Variants in SMYD3 observed in about 807,000 individuals in gnomAD.
The protein encoded by SMYD3 is SET and MYND domain containing 3.
A neutral mutation model predicts 57.7 loss-of-function variants in SMYD3; 36 were observed. The ratio of observed to expected loss-of-function variants is 0.62; its 90% CI spans 0.48 to 0.82. The LOEUF is 0.82. Ranked by LOEUF, SMYD3 falls within the 40% of genes least tolerant of loss-of-function variation. The pLI is 0.00. For synonymous variants in SMYD3, 211 were observed against 195.0 expected, an observed-to-expected ratio of 1.08 and a Z score of -0.68; for missense variants, 515 against 538.8, an observed-to-expected ratio of 0.96 and a Z score of 0.44.
At chr1:245,816,902 A>T (rs1304085251) in intron 10 of SMYD3, among the ~76,000 whole-genome samples, 2 of 128,450 alleles carry the variant, frequency 1.6e-5, no homozygotes, top group South Asian at 2.2e-4. Flanking sequence ...GTCCTACCCG[A>T]CGGAGTCTCG....
chr1:245,988,769 G>A (rs1369627521), intron 5 of SMYD3, among the ~76,000 whole-genome samples: 1 of 152,202 alleles, frequency 6.6e-6, no homozygotes, highest in South Asian at 2.1e-4. Flanking sequence ...GGTTTGGGAG[G>A]AGGCTGAGCA....
At chr1:246,190,031 T>C (rs1423875397) in intron 5 of SMYD3, among the ~76,000 whole-genome samples, 2 of 152,200 alleles carry the variant, frequency 1.3e-5, no homozygotes, top group African/African-American at 2.4e-5. Flanking sequence ...ATCCAGATTA[T>C]TAAATTCACC....
At position 246,224,598 on chromosome 1, in the gene SMYD3, G is replaced by A. The variant is rs368994475; in HGVS notation, c.531+102603C>T. 9.2e-5 allele frequency among the ~76,000 whole-genome samples: 14 copies of A among 151,866 alleles called. No homozygotes were observed. The East Asian group carries it at 9.7e-4, about 10-fold the overall frequency. On this transcript the variant is annotated intron_variant, in intron 5 of 11. Coordinates refer to ENST00000490107, the MANE Select transcript of SMYD3 (RefSeq NM_001167740.2). The stretch of plus-strand genomic sequence containing the variant: ...CATATTTTAAAAGGTCATTGTGGGC[G>A]CCACTGAGAAAGAATATAGAGGAGC...
intron 10 of SMYD3, among the ~76,000 whole-genome samples, chr1:245,833,999 G>A (rs978218273): frequency 6.6e-6 from 1 of 152,210 alleles, no homozygotes; most frequent in Admixed American, 6.5e-5. Flanking sequence ...GTACTGTAAA[G>A]GTTCTGGGAC....
chr1:246,282,612 T>G (rs2064477651), intron 5 of SMYD3, among the ~76,000 whole-genome samples: 1 of 152,004 alleles, frequency 6.6e-6, no homozygotes, highest in Admixed American at 6.5e-5. Context: ...TTTCCACATC[T>G]CTTTTCTTGG....
intron 10 of SMYD3, among the ~76,000 whole-genome samples, chr1:245,822,759 C>T (rs1455717248): frequency 6.6e-6 from 1 of 152,152 alleles, no homozygotes; most frequent in Non-Finnish European, 1.5e-5. Flanking sequence ...TTTCACTGGG[C>T]CCACTTTGTA....
At chr1:245,867,698 A>ACC (rs1486138815) in intron 8 of SMYD3, among the ~76,000 whole-genome samples, 2 of 151,992 alleles carry the variant, frequency 1.3e-5, no homozygotes, top group African/African-American at 4.8e-5. Flanking sequence ...ACTCACACAC[A>ACC]CATTTTGTTG....
intron 5 of SMYD3, among the ~76,000 whole-genome samples, chr1:246,122,996 A>G (rs781643994): frequency 7.2e-5 from 11 of 152,220 alleles, no homozygotes; most frequent in Non-Finnish European, 1.3e-4. Flanking sequence ...TTTCCGTGAA[A>G]CACTCTCTAT....
At chr1:246,199,843 G>C (rs1048583480) in intron 5 of SMYD3, among the ~76,000 whole-genome samples, 1 of 152,262 alleles carries the variant, frequency 6.6e-6, no homozygotes, top group Non-Finnish European at 1.5e-5. Context: ...GGAGAACAGC[G>C]TAGATGCTGA....
chr1:246,014,130 C>T (rs561725901), intron 5 of SMYD3, among the ~76,000 whole-genome samples: 5 of 152,298 alleles, frequency 3.3e-5, no homozygotes, highest in African/African-American at 1.2e-4. Context: ...CGAGACCAGC[C>T]TGGCCAACAT....
At chr1:245,796,297 G>A (rs1044716417) in intron 10 of SMYD3, among the ~76,000 whole-genome samples, 19 of 152,080 alleles carry the variant, frequency 1.2e-4, no homozygotes, top group African/African-American at 4.1e-4. Flanking sequence ...TTATTGGGAC[G>A]AATTGGGATG....
intron 5 of SMYD3, among the ~76,000 whole-genome samples, chr1:246,190,390 G>T (rs895321304): frequency 6.6e-6 from 1 of 152,070 alleles, no homozygotes; most frequent in Non-Finnish European, 1.5e-5. Context: ...TTCGAGACCA[G>T]TCTGGCCAAT....
At chr1:245,913,156 T>A (rs559878007) in intron 8 of SMYD3, among the ~76,000 whole-genome samples, 7 of 152,190 alleles carry the variant, frequency 4.6e-5, no homozygotes, top group Non-Finnish European at 7.4e-5. Context: ...ATGTGGCACA[T>A]ATACACCATG....
At chr1:245,998,899 A>G (rs952124087) in intron 5 of SMYD3, among the ~76,000 whole-genome samples, 1 of 152,224 alleles carries the variant, frequency 6.6e-6, no homozygotes, top group Non-Finnish European at 1.5e-5. Flanking sequence ...CAGACACAAA[A>G]GGACAAATAC....
intron 5 of SMYD3, among the ~76,000 whole-genome samples, chr1:245,946,489 T>C (rs1000675048): frequency 6.6e-6 from 1 of 152,100 alleles, no homozygotes. Flanking sequence ...AGTTCTCCAA[T>C]CCCCTCACAA....
intron 4 of SMYD3, among the ~76,000 whole-genome samples, chr1:246,328,435 G>A (rs961649129): frequency 2.6e-4 from 40 of 152,176 alleles, no homozygotes; most frequent in African/African-American, 9.7e-4. Flanking sequence ...CTAATGTGAA[G>A]AGTAAAACCC....
intron 10 of SMYD3, among the ~76,000 whole-genome samples, chr1:245,793,249 A>C (rs573655155): frequency 4.7e-4 from 71 of 152,008 alleles, no homozygotes; most frequent in Middle Eastern, 3.4e-3. Flanking sequence ...ACGGAGCTTG[A>C]AGTGAGCCGA....
rs148433381 is a variant in SMYD3 at position 246,132,274 on chromosome 1, C to A, written c.531+194927G>T. On this transcript the variant is annotated intron_variant, in intron 5 of 11. Coordinates refer to ENST00000490107, the MANE Select transcript of SMYD3 (RefSeq NM_001167740.2). ...AGATTACATTCATCCAGATTAAATT[C>A]CAGGTTCTGAATTTATGTTTTTAAA... is the stretch of plus-strand genomic sequence containing the variant. Among the ~76,000 whole-genome samples the A allele has an allele frequency of 3.8e-3, 578 of 152,056 alleles. 2 individuals carry two copies. The highest frequency in any genetic ancestry group is 6.2e-3 in the Non-Finnish European group (423 of 67,934).
intron 10 of SMYD3, among the ~76,000 whole-genome samples, chr1:245,806,815 C>G (rs930886837): frequency 2.8e-5 from 4 of 145,092 alleles, no homozygotes; most frequent in African/African-American, 7.8e-5. Flanking sequence ...GAGGCTGAGG[C>G]AGGAGAATGG....
Sources: allele counts gnomAD v4.1 joint callset (sites outside exome capture counted in the v4.1 genomes callset), GRCh38; gene constraint gnomAD v4.1.1; transcripts MANE v1.5; gene names NCBI Gene and HGNC (gene_info 2026-07-23, HGNC 2026-07-21).